TAF4: variants seen among roughly 807,000 people sequenced by gnomAD.
TAF4 encodes the protein TATA-box binding protein associated factor 4, also known as transcription initiation factor TFIID subunit 4.
Under a neutral mutation model 90.3 loss-of-function variants are expected in TAF4, and 9 were observed. That is an observed-to-expected ratio of 0.10 (90% CI 0.06 to 0.17). TAF4 has a LOEUF of 0.17. Ranked by LOEUF, TAF4 falls within the 10% of genes least tolerant of loss-of-function variation. The pLI is 1.00. For missense variants in TAF4, 1,351 were observed against 1,370.7 expected, an observed-to-expected ratio of 0.99 and a Z score of 0.23; for synonymous variants, 818 against 638.9, an observed-to-expected ratio of 1.28 and a Z score of -4.23.
intron 14 of TAF4, among the ~76,000 whole-genome samples, chr20:61,995,226 CTG>C (rs1455253580): frequency 1.3e-5 from 2 of 152,146 alleles, no homozygotes; most frequent in Admixed American, 6.5e-5. Context: ...TCGAGAGAAA[CTG>C]AATGTGAGAT....
intron 14 of TAF4, 31 bp from the exon 15 acceptor site, chr20:61,976,366 T>C (rs1244426369): frequency 6.2e-7 from 1 of 1,609,346 alleles, no homozygotes; most frequent in East Asian, 2.2e-5. Context: ...GACAGTGTGT[T>C]AGTGGGGCTC....
rs1450261804 is a variant in TAF4 at position 62,014,021 on chromosome 20, T to TGTGGGG, written c.1521+525_1521+526insCCCCAC. 9.5e-3 allele frequency among the ~76,000 whole-genome samples: 863 copies of TGTGGGG among 90,796 alleles called. 11 individuals are homozygous for TGTGGGG. Among genetic ancestry groups the TGTGGGG allele is most frequent in the African/African-American group, 0.021 (536 of 25,038 alleles). 59.6% of individuals were successfully genotyped at this position (90,796 alleles called of 152,430 possible). The stretch of plus-strand genomic sequence containing the variant: ...CTGAAGGCTGACGCGGGGGTGTGGG[T>TGTGGGG]GTGTGTGTGTGTGTGTGTGTGTGTA... On this transcript the variant is annotated intron_variant, in intron 2 of 14. Coordinates refer to ENST00000252996, the MANE Select transcript of TAF4 (RefSeq NM_003185.4).
intron 1 of TAF4, among the ~76,000 whole-genome samples, chr20:62,029,419 G>A (rs977627515): frequency 6.6e-6 from 1 of 152,138 alleles, no homozygotes; most frequent in Admixed American, 6.5e-5. Flanking sequence ...CTCTGACACA[G>A]AAGCCCTTCG....
Position 62,010,078 on chromosome 20 carries a change from G to A in TAF4, c.1729C>T (p.Pro577Ser). The change falls in exon 4 of 15, where the codon CCA becomes TCA. Residue 577 changes from proline (P) to serine (S), a missense_variant. Pro to Ser is a moderately conservative substitution (Grantham distance 74). Around this residue, in one of 9 missense-constraint regions of TAF4, gnomAD observed 143 missense variants for 176.3 expected, o/e 0.81. Transcript: ENST00000252996. This position sits in a 1 kb window ranked among gnomAD's most constrained non-coding sequence, Gnocchi z 4.5. ...GCTGAGGAAGTGGTGGTCGCCCCTG[G>A]TACCGTGCGCTGAGGAGTCCCCGTC... ...VQTGTPQRTV[P>S]GATTTSSAAT... 1 of 1,613,640 alleles carries A rather than the reference G, an allele frequency of 6.2e-7. No individual in the cohort carries two copies. The highest frequency in any genetic ancestry group is 8.5e-7 in the Non-Finnish European group (1 of 1,179,992).
rs149217256 is a variant in TAF4 at position 61,986,646 on chromosome 20, G to A, written c.3091-10311C>T. ...CATAAAGTCACCAAATCCTCTTGTC[G>A]TGTCACAAGGACATGGAACTAACCT... On this transcript the variant is annotated intron_variant, in intron 14 of 14. Transcript: ENST00000252996. 1.5e-3 allele frequency among the ~76,000 whole-genome samples: 229 copies of A among 152,362 alleles called. 1 individual carries two copies. The highest frequency in any genetic ancestry group is 3.5e-3 in the Admixed American group (54 of 15,310).
chr20:62,003,412 A>G (rs778619897), intron 8 of TAF4, 138 bp from the exon 9 acceptor site: 11 of 712,568 alleles, frequency 1.5e-5, no homozygotes, highest in Non-Finnish European at 2.4e-5. Context: ...CTTCATATTA[A>G]TAACTCTAAA....
chr20:61,983,559 C>T (rs893015467), intron 14 of TAF4, among the ~76,000 whole-genome samples: 10 of 152,036 alleles, frequency 6.6e-5, no homozygotes, highest in East Asian at 1.9e-4. Flanking sequence ...GCTACTGGGG[C>T]GGCTGAGGCA....
At chr20:62,051,553 C>T (rs2056027584) in intron 1 of TAF4, among the ~76,000 whole-genome samples, 1 of 152,154 alleles carries the variant, frequency 6.6e-6, no homozygotes, top group Non-Finnish European at 1.5e-5. Flanking sequence ...ACCCCTCTCA[C>T]CGCCATAGGA....
At chr20:62,045,248 G>A (rs28382025) in intron 1 of TAF4, among the ~76,000 whole-genome samples, 14,997 of 152,176 alleles carry the variant, frequency 0.099, 1,203 homozygotes, top group East Asian at 0.44. Context: ...GCACCTCCTG[G>A]CCCATGCACC....
chr20:62,003,604 A>C (rs1346721661), intron 8 of TAF4, 127 bp downstream of exon 8: 1 of 1,074,820 alleles, frequency 9.3e-7, no homozygotes, highest in Non-Finnish European at 1.3e-6. Context: ...GTGCCACTGA[A>C]CTAGATACTT....
intron 14 of TAF4, among the ~76,000 whole-genome samples, chr20:61,985,312 G>T (rs988846586): frequency 1.4e-4 from 21 of 152,002 alleles, no homozygotes; most frequent in Non-Finnish European, 5.9e-5. Flanking sequence ...GCCTGGTTGT[G>T]TGTGCCTGCA....
chr20:62,022,154 G>C (rs1177026122), intron 1 of TAF4, among the ~76,000 whole-genome samples: 1 of 151,866 alleles, frequency 6.6e-6, no homozygotes, highest in Non-Finnish European at 1.5e-5. Context: ...TCTGCGCCGT[G>C]GAGACCTGTG....
At chr20:61,991,603 C>CA (rs766942742) in intron 14 of TAF4, among the ~76,000 whole-genome samples, 1 of 147,424 alleles carries the variant, frequency 6.8e-6, no homozygotes, top group Non-Finnish European at 1.5e-5. Context: ...TCTAAAAAAC[C>CA]AAAAAACAAA....
intron 14 of TAF4, among the ~76,000 whole-genome samples, chr20:61,985,924 G>A (rs78454846): frequency 0.025 from 2,871 of 113,138 alleles, 115 homozygotes; most frequent in African/African-American, 0.088. Context: ...ACCAAAGGAA[G>A]CACCATCCCC....
chr20:62,064,968 G>T lies in TAF4; in HGVS notation c.843C>A (p.Ala281=). The T allele has an allele frequency of 5.0e-6, 2 of 401,166 alleles. No individual in the cohort carries two copies. The highest frequency in any genetic ancestry group is 6.5e-6 in the Non-Finnish European group (2 of 305,868). 24.9% of individuals were successfully genotyped at this position (401,166 alleles called of 1,614,324 possible). The change falls in exon 1 of 15, where the codon GCC becomes GCA. Residue 281 remains alanine (A), a synonymous_variant. Transcript: ENST00000252996. ...GTCCGGCGGGGTGGCCGGGCGGCCG[G>T]GCCAGAGTGGCGGGCGCGGGGGGTG... ...PPPPPAPATL[A]RPPGHPAGPP...
In TAF4 at chr20:62,064,918, G is replaced by A. The variant is rs1194605317; in HGVS notation, c.893C>T (p.Pro298Leu). 2 of 635,882 alleles carry A rather than the reference G, an allele frequency of 3.1e-6. No homozygotes were observed. Among genetic ancestry groups the A allele is most frequent in the African/African-American group, 2.1e-5 (1 of 48,312 alleles). The allele number at this position is 635,882 out of a possible 1,614,324, so 39.4% of individuals were successfully genotyped here. ...CCCGTTCTGGGCGGCGGCGGGGGGC[G>A]GCACGGCGGGCGCGGCGGTCGGGGG... ...AGPPTAAPAV[P>L]PPAAAQNGGS... Residue 298 changes from proline to leucine, a missense_variant, in exon 1 of 15, where the codon CCG (proline) becomes CTG (leucine). Transcript: ENST00000252996.
intron 1 of TAF4, among the ~76,000 whole-genome samples, chr20:62,026,993 G>A (rs544115766): frequency 7.9e-5 from 12 of 152,284 alleles, no homozygotes; most frequent in African/African-American, 2.6e-4. Flanking sequence ...ATTCCTCTGC[G>A]ACTCAACAGG....
At position 62,007,647 on chromosome 20, in the gene TAF4, A is replaced by C; in HGVS notation, c.1885-11T>G. The C allele has an allele frequency of 6.3e-7, 1 of 1,596,896 alleles. No individual in the cohort carries two copies. The highest frequency in any genetic ancestry group is 8.5e-7 in the Non-Finnish European group (1 of 1,170,480). On this transcript the variant is annotated splice_polypyrimidine_tract_variant and intron_variant, in intron 5 of 14. Coordinates refer to ENST00000252996, the MANE Select transcript of TAF4 (RefSeq NM_003185.4). ...TTCTATTTTTCCATCCTTAAAAATA[A>C]AATCCATGTTGAAATTCTGGTGAAT...
chr20:62,035,960 A>T (rs934141150), intron 1 of TAF4, among the ~76,000 whole-genome samples: 1 of 152,190 alleles, frequency 6.6e-6, no homozygotes, highest in African/African-American at 2.4e-5. Flanking sequence ...CCTCTATATT[A>T]AAGGAAAAGA....
Sources: allele counts gnomAD v4.1 joint callset (sites outside exome capture counted in the v4.1 genomes callset), GRCh38; gene constraint gnomAD v4.1.1; regional missense constraint gnomAD v4.1.1; non-coding constraint Gnocchi (gnomAD v3.1); transcripts MANE v1.5; gene names NCBI Gene and HGNC (gene_info 2026-07-23, HGNC 2026-07-21).